Variants in PCDHA4 observed in about 807,000 individuals in gnomAD.
PCDHA4 encodes the protein protocadherin alpha-4.
Under a neutral mutation model 61.4 loss-of-function variants are expected in PCDHA4, and 49 were observed. That is an observed-to-expected ratio of 0.80 (90% confidence interval 0.63 to 1.01). The LOEUF is 1.01. PCDHA4 is among the 50% of genes least tolerant of loss of function. The pLI is 0.00. For synonymous variants in PCDHA4, 590 were observed against 550.3 expected (o/e 1.07, Z -1.01); for missense variants, 1,254 against 1,235.8 (o/e 1.01, Z -0.22).
At position 140,853,959 on chromosome 5, in the gene PCDHA4, G is replaced by A. The variant is rs2042923125; in HGVS notation, c.2385+44387G>A. 2.7e-6 allele frequency: 2 copies of A among 736,852 alleles called. 1 individual carries two copies. The highest frequency in any genetic ancestry group is 3.4e-6 in the Non-Finnish European group (2 of 589,618). The allele number at this position is 736,852 out of a possible 1,614,324, so 45.6% of individuals were successfully genotyped here. On this transcript the variant is annotated intron_variant, in intron 1 of 3. Transcript: ENST00000530339. ...CAAGGTGGGAGGGTCCCTTCCTTGA[G>A]CCCAGCAGTTTGAGACCAATGTAGT...
chr5:140,930,766 T>C (rs1476506441), intron 1 of PCDHA4, among the ~76,000 whole-genome samples: 1 of 152,240 alleles, frequency 6.6e-6, no homozygotes, highest in Admixed American at 6.5e-5. Context: ...AAATTTTCTG[T>C]ACTTAATATT....
rs145740989 is a variant in PCDHA4 at position 140,824,111 on chromosome 5, C to G, written c.2385+14539C>G. ...TTCAGTCCAAGCCTTCCTCAGGGTC[C>G]CACCTCTACAGACAACGTGAGTTTT... On this transcript the variant is annotated intron_variant, in intron 1 of 3. Transcript: ENST00000530339. The G allele has an allele frequency of 3.8e-5, 62 of 1,613,992 alleles. 1 individual carries two copies. In the South Asian group the frequency reaches 6.6e-4, roughly 17 times the overall value.
chr5:140,871,253 A>G (rs1372338399), intron 1 of PCDHA4: 1 of 1,613,856 alleles, frequency 6.2e-7, no homozygotes, highest in Non-Finnish European at 8.5e-7. Context: ...CTGCTGCTGT[A>G]TACGGCGCTG....
intron 1 of PCDHA4, among the ~76,000 whole-genome samples, chr5:140,919,272 T>C (rs1287919874): frequency 6.6e-6 from 1 of 152,258 alleles, no homozygotes; most frequent in Non-Finnish European, 1.5e-5. Context: ...GTGTAGTCAC[T>C]CCAGCTATCT....
intron 3 of PCDHA4, among the ~76,000 whole-genome samples, chr5:140,999,367 C>T (rs1229497053): frequency 4.6e-5 from 7 of 152,100 alleles, no homozygotes; most frequent in African/African-American, 1.7e-4. Flanking sequence ...TTCACAATCC[C>T]ATTAGATGGT....
chr5:140,830,998 T>TA (rs1415698100), intron 1 of PCDHA4: 3 of 152,294 alleles, frequency 2.0e-5, no homozygotes, highest in Non-Finnish European at 4.4e-5. Context: ...TCATAGTTTT[T>TA]ATCTGTGGTT....
At chr5:140,829,528 G>T (rs1554132046) in intron 1 of PCDHA4, 12 of 1,613,294 alleles carry the variant, frequency 7.4e-6, no homozygotes, top group Non-Finnish European at 1.0e-5. Flanking sequence ...CGGTGTCTGC[G>T]CGAGACGCGG....
intron 1 of PCDHA4, 73 bp from the exon 2 acceptor site, chr5:140,978,876 A>G: frequency 6.2e-7 from 1 of 1,609,510 alleles, no homozygotes; most frequent in Non-Finnish European, 8.5e-7. Flanking sequence ...GGGAGTAACT[A>G]ATCAATTAGC....
chr5:140,828,272 C>T (rs1301296827), intron 1 of PCDHA4: 2 of 1,614,040 alleles, frequency 1.2e-6, no homozygotes, highest in Non-Finnish European at 1.7e-6. Context: ...GGAGCTGGTG[C>T]CGCGCCTGTT....
rs782815519 is a variant in PCDHA4, at chr5:140,807,315, C to A, written c.128C>A (p.Thr43Asn). 4.3e-6 allele frequency: 7 copies of A among 1,613,884 alleles called. No homozygotes were observed. Among genetic ancestry groups the A allele is most frequent in the Non-Finnish European group, 5.9e-6 (7 of 1,180,026 alleles). ...YSVSEEAKHG[T>N]FVGRIAQDLG... ...GTCTCCGAGGAGGCCAAACACGGCA[C>A]CTTCGTGGGCCGCATCGCGCAGGAC... Residue 43 changes from threonine to asparagine, a missense_variant, in exon 1 of 4, where the codon ACC becomes AAC. Coordinates refer to ENST00000530339, the MANE Select transcript of PCDHA4 (RefSeq NM_018907.4).
chr5:140,838,443 T>C (rs1554137081), intron 1 of PCDHA4, among the ~76,000 whole-genome samples: 5 of 151,752 alleles, frequency 3.3e-5, no homozygotes, highest in Non-Finnish European at 5.9e-5. Flanking sequence ...TATTGGGTTT[T>C]GTGGCATATT....
chr5:140,824,215 A>C, intron 1 of PCDHA4: 2 of 1,576,994 alleles, frequency 1.3e-6, no homozygotes, highest in Non-Finnish European at 1.7e-6. Context: ...GTATTTAAAA[A>C]TTATGTCTTA....
At chr5:140,922,016 AT>A (rs1213488839) in intron 1 of PCDHA4, among the ~76,000 whole-genome samples, 20 of 152,076 alleles carry the variant, frequency 1.3e-4, no homozygotes, top group Admixed American at 1.2e-3. Flanking sequence ...GTTTAAAAAA[AT>A]AAATATAAAA....
chr5:140,849,776 G>C, intron 1 of PCDHA4: 1 of 1,598,464 alleles, frequency 6.3e-7, no homozygotes, highest in Non-Finnish European at 8.6e-7. Context: ...TGGTTACCGC[G>C]CGGGACGGGG....
rs781827236 is a variant in PCDHA4, at chr5:140,877,873, T to C, written c.2385+68301T>C. ...TTAATATTATTTAGATATATTTGTT[T>C]CCTTGAAGAACTTCCGTTTAGGTTA... On this transcript the variant is annotated intron_variant, in intron 1 of 3. Transcript: ENST00000530339. 6.8e-6 allele frequency: 10 copies of C among 1,481,404 alleles called. 1 individual carries two copies. In the Admixed American group the frequency reaches 2.1e-4, roughly 30 times the overall value. 91.8% of individuals were successfully genotyped at this position (1,481,404 alleles called of 1,614,324 possible).
At chr5:140,874,174 G>A (rs2054753797) in intron 1 of PCDHA4, among the ~76,000 whole-genome samples, 1 of 152,292 alleles carries the variant, frequency 6.6e-6, no homozygotes, top group East Asian at 1.9e-4. Context: ...CTTTCCTGGT[G>A]TTGTAAAGGT....
Position 140,974,863 on chromosome 5 carries a change from G to A in PCDHA4, c.2386-4086G>A, listed in dbSNP as rs559374442. On this transcript the variant is annotated intron_variant, in intron 1 of 3. Coordinates refer to ENST00000530339, the MANE Select transcript of PCDHA4 (RefSeq NM_018907.4). ...ATGTTATATTCCCTTTTGCCTTAAT[G>A]CGGAACAGTCTATGTATCCCTTTTC... Among the ~76,000 whole-genome samples, 14 of 152,198 alleles carry A rather than the reference G, an allele frequency of 9.2e-5. No homozygotes were observed. The South Asian group carries it at 2.9e-3, about 32-fold the overall frequency.
intron 3 of PCDHA4, among the ~76,000 whole-genome samples, chr5:141,002,270 G>T (rs1304168184): frequency 6.6e-6 from 1 of 152,172 alleles, no homozygotes; most frequent in Non-Finnish European, 1.5e-5. Context: ...CCCAGAGCTG[G>T]TAACAAAGGG....
intron 1 of PCDHA4, chr5:140,865,989 T>A (rs955714257): frequency 1.3e-5 from 2 of 152,172 alleles, no homozygotes; most frequent in Non-Finnish European, 2.9e-5. Flanking sequence ...TGGCACTAAG[T>A]TTTTTTATGT....
Sources: gnomAD v4.1 joint callset for allele counts (sites outside exome capture counted in the v4.1 genomes callset) on GRCh38, gnomAD v4.1.1 for gene constraint, MANE v1.5 for transcripts, NCBI Gene and HGNC (gene_info 2026-07-23, HGNC 2026-07-21) for gene names.